Variants in SOX5 observed in about 807,000 individuals in gnomAD.
The protein encoded by SOX5 is SRY-box transcription factor 5, also known as transcription factor SOX-5.
Under a neutral mutation model 92.0 loss-of-function variants are expected in SOX5, and 9 were observed. The ratio of observed to expected loss-of-function variants is 0.10; its 90% CI spans 0.06 to 0.17. The LOEUF (loss-of-function observed/expected upper bound fraction) is 0.17, where lower values mean the gene tolerates loss of function less well. Among genes scored for constraint, SOX5 ranks in the 10% least tolerant of loss-of-function variants. The probability of loss-of-function intolerance (pLI) is 1.00; values close to 1 mark genes in which losing one functional copy is unlikely to be tolerated. For synonymous variants in SOX5, 344 were observed against 336.3 expected, an observed-to-expected ratio of 1.02 and a Z score of -0.25; for missense variants, 642 against 944.5, an observed-to-expected ratio of 0.68 and a Z score of 4.20.
intron 2 of SOX5, among the ~76,000 whole-genome samples, chr12:24,331,572 G>A (rs1024743681): frequency 1.1e-4 from 17 of 152,054 alleles, no homozygotes; most frequent in Middle Eastern, 3.4e-3. Flanking sequence ...AATACAGGCC[G>A]GGCGTGGTGG....
At chr12:24,405,835 G>A (rs756092464) in intron 1 of SOX5, among the ~76,000 whole-genome samples, 23 of 152,286 alleles carry the variant, frequency 1.5e-4, no homozygotes, top group Non-Finnish European at 3.1e-4. Flanking sequence ...AGTTATAAAG[G>A]ATCAACAGAA....
intron 4 of SOX5, among the ~76,000 whole-genome samples, chr12:23,968,249 C>T (rs1006479550): frequency 5.3e-5 from 8 of 152,178 alleles, no homozygotes; most frequent in African/African-American, 1.9e-4. Context: ...CTTTTATCCA[C>T]ATACAGTGTG....
At chr12:23,589,027 C>T (rs767165346) in intron 9 of SOX5, among the ~76,000 whole-genome samples, 23 of 151,812 alleles carry the variant, frequency 1.5e-4, no homozygotes, top group Non-Finnish European at 3.1e-4. Flanking sequence ...TGTATAAGTA[C>T]ATGCTATGAT....
intron 4 of SOX5, among the ~76,000 whole-genome samples, chr12:23,987,237 C>T (rs1355512913): frequency 6.6e-6 from 1 of 152,144 alleles, no homozygotes; most frequent in Non-Finnish European, 1.5e-5. Context: ...ATGATGTCAT[C>T]AACAGTGACT....
At chr12:23,715,769 G>C (rs985051905) in intron 6 of SOX5, among the ~76,000 whole-genome samples, 1 of 139,164 alleles carries the variant, frequency 7.2e-6, no homozygotes, top group African/African-American at 2.8e-5. Context: ...TTAGCAGAGA[G>C]GTCAATAAAT....
intron 1 of SOX5, among the ~76,000 whole-genome samples, chr12:24,432,424 AGAG>A (rs758129667): frequency 2.0e-5 from 3 of 152,196 alleles, no homozygotes; most frequent in Non-Finnish European, 4.4e-5. Context: ...AAACAAAGGG[AGAG>A]GAGATGTACA....
chr12:23,592,850 G>A (rs1224580238), intron 9 of SOX5, among the ~76,000 whole-genome samples: 4 of 152,128 alleles, frequency 2.6e-5, no homozygotes, highest in African/African-American at 7.2e-5. Flanking sequence ...AAGCTGAGGC[G>A]TGTGGATCAC....
chr12:24,216,765 C>CA (rs1240192861), intron 3 of SOX5, among the ~76,000 whole-genome samples: 9 of 151,846 alleles, frequency 5.9e-5, no homozygotes, highest in African/African-American at 2.2e-4. Context: ...CCATCTCTAC[C>CA]AAAAATACAA....
At chr12:23,555,970 G>C (rs551619401) in intron 11 of SOX5, among the ~76,000 whole-genome samples, 40 of 152,128 alleles carry the variant, frequency 2.6e-4, no homozygotes, top group Admixed American at 1.2e-3. Context: ...TCAGCCTGTC[G>C]AGAATGTCGA....
At chr12:24,474,637 G>A (rs1566255140) in intron 1 of SOX5, among the ~76,000 whole-genome samples, 1 of 152,050 alleles carries the variant, frequency 6.6e-6, no homozygotes, top group Non-Finnish European at 1.5e-5. Flanking sequence ...CCAGGTTCAA[G>A]CGATTCTCCT....
intron 1 of SOX5, among the ~76,000 whole-genome samples, chr12:23,901,714 G>T (rs2097235474): frequency 6.6e-6 from 1 of 152,090 alleles, no homozygotes; most frequent in African/African-American, 2.4e-5. Context: ...GATCCACATA[G>T]GCAGACTATA....
intron 4 of SOX5, among the ~76,000 whole-genome samples, chr12:24,172,476 C>A (rs780077651): frequency 2.6e-5 from 4 of 151,984 alleles, no homozygotes; most frequent in Non-Finnish European, 5.9e-5. Flanking sequence ...GAAGTCGAGG[C>A]TGCAGTGAGC....
intron 4 of SOX5, among the ~76,000 whole-genome samples, chr12:23,747,153 T>C (rs1410506974): frequency 6.6e-6 from 1 of 152,086 alleles, no homozygotes; most frequent in East Asian, 1.9e-4. Flanking sequence ...GGTGTTCATT[T>C]TTTGTCTACC....
chr12:24,102,880 C>T (rs1234084901), intron 4 of SOX5, among the ~76,000 whole-genome samples: 1 of 152,084 alleles, frequency 6.6e-6, no homozygotes, highest in Non-Finnish European at 1.5e-5. Context: ...AGCTATTAAC[C>T]TATGACAGAA....
chr12:24,216,324 A>T (rs1264292390), intron 3 of SOX5, among the ~76,000 whole-genome samples: 1 of 152,108 alleles, frequency 6.6e-6, no homozygotes, highest in East Asian at 1.9e-4. Context: ...TCTACTAAAA[A>T]TACAAAACAT....
intron 2 of SOX5, among the ~76,000 whole-genome samples, chr12:24,285,394 G>A (rs1455560743): frequency 6.6e-6 from 1 of 152,032 alleles, no homozygotes; most frequent in Non-Finnish European, 1.5e-5. Context: ...TAATATTCAT[G>A]TTTTCATGTA....
intron 6 of SOX5, among the ~76,000 whole-genome samples, chr12:23,711,487 G>C (rs2092048064): frequency 6.6e-6 from 1 of 152,128 alleles, no homozygotes; most frequent in Admixed American, 6.5e-5. Context: ...CTACACACAT[G>C]CTGTATATCT....
At chr12:23,627,437 C>T (rs746388826) in intron 8 of SOX5, among the ~76,000 whole-genome samples, 1 of 152,220 alleles carries the variant, frequency 6.6e-6, no homozygotes, top group Non-Finnish European at 1.5e-5. Flanking sequence ...CTTTATACTG[C>T]AGAATATAAT....
At chr12:24,048,451 T>C (rs1957253087) in intron 4 of SOX5, among the ~76,000 whole-genome samples, 1 of 152,106 alleles carries the variant, frequency 6.6e-6, no homozygotes, top group Non-Finnish European at 1.5e-5. Flanking sequence ...ATATTAAACA[T>C]AGAGCTACTA....
Sources: allele counts gnomAD v4.1 joint callset (sites outside exome capture counted in the v4.1 genomes callset), GRCh38; gene constraint gnomAD v4.1.1; transcripts MANE v1.5; gene names NCBI Gene and HGNC (gene_info 2026-07-23, HGNC 2026-07-21).